LRMDA: variants seen among roughly 807,000 people sequenced by gnomAD.
LRMDA encodes leucine rich melanocyte differentiation associated.
In LRMDA, 18 loss-of-function variants were observed where a neutral mutation model predicts 29.8. That is an observed-to-expected ratio of 0.60 (90% CI 0.42 to 0.90). The LOEUF is 0.90. Ranked by LOEUF, LRMDA falls within the 40% of genes least tolerant of loss-of-function variation. The pLI, the probability that LRMDA is intolerant of heterozygous loss-of-function variation, is 0.00. For missense variants in LRMDA, 273 were observed against 273.9 expected, an observed-to-expected ratio of 1.00 and a Z score of 0.02; for synonymous variants, 125 against 109.4, an observed-to-expected ratio of 1.14 and a Z score of -0.89.
At chr10:75,509,955 A>C (rs1009443860) in intron 2 of LRMDA, among the ~76,000 whole-genome samples, 1 of 152,040 alleles carries the variant, frequency 6.6e-6, no homozygotes, top group East Asian at 1.9e-4. Context: ...CACCCAGTCT[A>C]TTTTTTCCTC....
chr10:76,047,390 A>G (rs899256649), intron 4 of LRMDA, 87 bp downstream of exon 4: 2 of 1,342,824 alleles, frequency 1.5e-6, no homozygotes, highest in Non-Finnish European at 2.0e-6. Flanking sequence ...TGCATAGTAG[A>G]TGTTTGGTAC....
At chr10:75,997,384 A>G (rs952582977) in intron 2 of LRMDA, among the ~76,000 whole-genome samples, 5 of 152,116 alleles carry the variant, frequency 3.3e-5, no homozygotes, top group Admixed American at 1.3e-4. Context: ...AGAGAGGATT[A>G]TAATATTGTT....
intron 6 of LRMDA, among the ~76,000 whole-genome samples, chr10:76,527,097 C>T (rs949479668): frequency 8.4e-5 from 12 of 143,510 alleles, no homozygotes; most frequent in South Asian, 6.7e-4. Flanking sequence ...TTTAGAGCTA[C>T]ATTTGTCTGT....
rs140769599 is a variant in LRMDA at position 76,040,480 on chromosome 10, A to G, written c.258+4346A>G. Among the ~76,000 whole-genome samples, 216 of 152,144 alleles carry G rather than the reference A, an allele frequency of 1.4e-3. 1 individual carries two copies. Among genetic ancestry groups the G allele is most frequent in the African/African-American group, 5.1e-3 (210 of 41,492 alleles). ...GAGATTACCTCATCTCTTGGTTCGT[A>G]GGGATCTCATTTTCTTTCTTTGTTT... On this transcript the variant is annotated intron_variant, in intron 3 of 6. Coordinates refer to ENST00000611255, the MANE Select transcript of LRMDA (RefSeq NM_001305581.2).
At chr10:75,580,081 G>A (rs924863194) in intron 2 of LRMDA, among the ~76,000 whole-genome samples, 3 of 152,130 alleles carry the variant, frequency 2.0e-5, no homozygotes, top group Admixed American at 2.0e-4. Context: ...GGGTAATCAG[G>A]CAAGAGAAAG....
At chr10:75,651,430 T>C (rs912999778) in intron 2 of LRMDA, among the ~76,000 whole-genome samples, 2 of 152,172 alleles carry the variant, frequency 1.3e-5, no homozygotes, top group African/African-American at 4.8e-5. Context: ...TTTCTGTGCA[T>C]TTCAGTCTTC....
chr10:76,546,710 T>G (rs898884847), intron 6 of LRMDA, among the ~76,000 whole-genome samples: 5 of 152,202 alleles, frequency 3.3e-5, no homozygotes, highest in Non-Finnish European at 7.3e-5. Context: ...ACTCATGTAT[T>G]TTTATCCTAT....
intron 5 of LRMDA, among the ~76,000 whole-genome samples, chr10:76,091,590 G>C (rs1849232818): frequency 6.6e-6 from 1 of 151,922 alleles, no homozygotes; most frequent in Non-Finnish European, 1.5e-5. Context: ...TAGTCACTTG[G>C]GGGTGCTCAG....
intron 2 of LRMDA, among the ~76,000 whole-genome samples, chr10:76,010,502 T>C (rs376688037): frequency 1.4e-4 from 21 of 152,166 alleles, no homozygotes; most frequent in African/African-American, 4.1e-4. Flanking sequence ...TTAGTAGAGA[T>C]GGGGTTTCAC....
At position 75,852,247 on chromosome 10, in the gene LRMDA, A is replaced by G. The variant is rs191669075; in HGVS notation, c.132-183761A>G. ...AAAACCAAGATTTTAAAAGTTGAGA[A>G]AAAATAGAGATTGAAAACTCTGACT... On this transcript the variant is annotated intron_variant, in intron 2 of 6. Coordinates refer to ENST00000611255, the MANE Select transcript of LRMDA (RefSeq NM_001305581.2). Among the ~76,000 whole-genome samples, 8 of 152,316 alleles carry G rather than the reference A, an allele frequency of 5.3e-5. No homozygotes were observed. In the East Asian group the frequency reaches 1.4e-3, roughly 26 times the overall value.
At chr10:76,155,956 C>G (rs1180008977) in intron 5 of LRMDA, among the ~76,000 whole-genome samples, 1 of 152,048 alleles carries the variant, frequency 6.6e-6, no homozygotes, top group Non-Finnish European at 1.5e-5. Context: ...AATTGTAAGC[C>G]AAGTCTTACA....
intron 2 of LRMDA, among the ~76,000 whole-genome samples, chr10:75,695,466 G>A (rs1377428950): frequency 1.3e-5 from 2 of 151,204 alleles, no homozygotes; most frequent in African/African-American, 4.9e-5. Context: ...AGAGCTTTTT[G>A]AAAAATTGTA....
intron 6 of LRMDA, among the ~76,000 whole-genome samples, chr10:76,433,372 A>G (rs918007453): frequency 6.6e-6 from 1 of 152,224 alleles, no homozygotes; most frequent in African/African-American, 2.4e-5. Flanking sequence ...GGCTGAAATG[A>G]ATATAATAAT....
chr10:75,636,921 A>G (rs776409701), intron 2 of LRMDA, among the ~76,000 whole-genome samples: 28 of 152,218 alleles, frequency 1.8e-4, no homozygotes, highest in Non-Finnish European at 3.2e-4. Context: ...ACAGAAAACA[A>G]CCAACTAACC....
At chr10:76,012,289 C>T (rs887210050) in intron 2 of LRMDA, among the ~76,000 whole-genome samples, 8 of 152,294 alleles carry the variant, frequency 5.3e-5, no homozygotes, top group South Asian at 4.2e-4. Context: ...CTGCAGGCCA[C>T]GGTGCATCTC....
At chr10:75,828,488 A>G (rs1844283511) in intron 2 of LRMDA, among the ~76,000 whole-genome samples, 1 of 152,210 alleles carries the variant, frequency 6.6e-6, no homozygotes, top group African/African-American at 2.4e-5. Flanking sequence ...AACCACACAA[A>G]TGTGATCTTG....
intron 2 of LRMDA, among the ~76,000 whole-genome samples, chr10:75,831,292 C>G (rs1589221928): frequency 1.3e-5 from 2 of 152,272 alleles, no homozygotes; most frequent in African/African-American, 4.8e-5. Context: ...CATGATCCAC[C>G]CATCTTGGTC....
chr10:75,769,375 A>G (rs747666516), intron 2 of LRMDA, among the ~76,000 whole-genome samples: 1 of 152,202 alleles, frequency 6.6e-6, no homozygotes, highest in Non-Finnish European at 1.5e-5. Flanking sequence ...GGCCGAGAAA[A>G]TTGGCAGTGT....
intron 2 of LRMDA, among the ~76,000 whole-genome samples, chr10:75,874,924 C>T (rs1230806378): frequency 6.6e-6 from 1 of 152,224 alleles, no homozygotes; most frequent in African/African-American, 2.4e-5. Context: ...GTTCAGTGAG[C>T]CTAAGGCCAT....
Sources: gnomAD v4.1 joint callset for allele counts (sites outside exome capture counted in the v4.1 genomes callset) on GRCh38, gnomAD v4.1.1 for gene constraint, MANE v1.5 for transcripts, NCBI Gene and HGNC (gene_info 2026-07-23, HGNC 2026-07-21) for gene names.